The following TRPM3 variants were observed in gnomAD, a reference collection of about 807,000 sequenced individuals.
TRPM3 encodes transient receptor potential cation channel subfamily M member 3, also known as long transient receptor potential channel 3.
TRPM3 carries 77 observed loss-of-function variants against 181.2 expected under a neutral mutation model. The ratio of observed to expected loss-of-function variants is 0.42; its 90% CI spans 0.35 to 0.51. TRPM3 has a LOEUF of 0.51. Among genes scored for constraint, TRPM3 ranks in the 20% least tolerant of loss-of-function variants. The pLI is 0.01. For synonymous variants in TRPM3, 745 were observed against 796.4 expected (o/e 0.94, Z 1.09); for missense variants, 1,759 against 2,196.7 (o/e 0.80, Z 3.98).
chr9:70,743,128 C>CA (rs1458571480), intron 8 of TRPM3, among the ~76,000 whole-genome samples: 1 of 152,060 alleles, frequency 6.6e-6, no homozygotes, highest in Non-Finnish European at 1.5e-5. Flanking sequence ...ACAGATTTTT[C>CA]AAAAAGTACA....
In TRPM3 at chr9:71,437,024, T is replaced by C. The variant is rs143691330; in HGVS notation, c.183+9629A>G. Among the ~76,000 whole-genome samples the C allele has an allele frequency of 6.2e-4, 94 of 152,340 alleles. 2 individuals are homozygous for C. The East Asian group carries it at 0.017, about 28-fold the overall frequency. ...TCCACAATTAATGGGTCAAATATTT[T>C]CTTCTAGTTAACTGAATACAATGCC... is the stretch of plus-strand genomic sequence containing the variant. On this transcript the variant is annotated intron_variant, in intron 1 of 24. Coordinates refer to the TRPM3 transcript ENST00000357533.
At chr9:70,795,214 A>ATTGATAAT (rs141572067) in intron 6 of TRPM3, among the ~76,000 whole-genome samples, 3 of 152,332 alleles carry the variant, frequency 2.0e-5, no homozygotes, top group South Asian at 4.1e-4. Flanking sequence ...GTGTTTGCAT[A>ATTGATAAT]TTGATATTCT....
chr9:71,032,320 G>A lies in TRPM3; in HGVS notation c.177+88858C>T, dbSNP rs75853249. 5.0e-3 allele frequency among the ~76,000 whole-genome samples: 743 copies of A among 148,908 alleles called. 19 individuals carry two copies. In the East Asian group the frequency reaches 0.079, roughly 16 times the overall value. On this transcript the variant is annotated intron_variant, in intron 1 of 25. Coordinates refer to ENST00000677713, the MANE Select transcript of TRPM3 (RefSeq NM_001366145.2). ...ACATTTAATAACACTTTATTAACTAGAGATCACATAAAAGAGAGCATGATG... is the reference window on the plus strand; with the variant it reads ...ACATTTAATAACACTTTATTAACTAAAGATCACATAAAAGAGAGCATGATG...
At chr9:70,992,493 CCT>C (rs2097497901) in intron 1 of TRPM3, among the ~76,000 whole-genome samples, 1 of 152,104 alleles carries the variant, frequency 6.6e-6, no homozygotes, top group South Asian at 2.1e-4. Context: ...GTGAATGAGC[CCT>C]GTTCCTGTTC....
chr9:71,314,697 A>G (rs2088373878), intron 1 of TRPM3, among the ~76,000 whole-genome samples: 1 of 152,084 alleles, frequency 6.6e-6, no homozygotes, highest in South Asian at 2.1e-4. Context: ...AAGTGAATGA[A>G]TCCCCCAACT....
At chr9:70,638,905 G>A in intron 11 of TRPM3, 155 bp downstream of exon 11, 1 of 851,626 alleles carries the variant, frequency 1.2e-6, no homozygotes, top group Non-Finnish European at 1.7e-6. Context: ...GTGACTTGGT[G>A]TTTGTCATCT....
chr9:71,281,086 T>C (rs2084669720), intron 1 of TRPM3, among the ~76,000 whole-genome samples: 1 of 152,180 alleles, frequency 6.6e-6, no homozygotes, highest in Non-Finnish European at 1.5e-5. Context: ...TCTTAATAAA[T>C]ATTTGCTGAA....
Position 70,994,886 on chromosome 9 carries a change from T to C in TRPM3, c.177+126292A>G, listed in dbSNP as rs79797041. On this transcript the variant is annotated intron_variant, in intron 1 of 25. Transcript: ENST00000677713. ...TATCCCTGCTGATCAACTGGAAACA[T>C]GAAGCTGGCCTGGGATGGTCACCTC... Among the ~76,000 whole-genome samples the C allele has an allele frequency of 2.4e-4, 37 of 152,322 alleles. No individual in the cohort carries two copies. The East Asian group carries it at 6.9e-3, about 29-fold the overall frequency.
At chr9:71,274,452 G>A (rs182355155) in intron 1 of TRPM3, among the ~76,000 whole-genome samples, 55 of 152,132 alleles carry the variant, frequency 3.6e-4, no homozygotes, top group African/African-American at 1.3e-3. Context: ...AAAGCATACC[G>A]GGCCACTTAT....
chr9:71,402,356 C>T (rs1472472613), intron 1 of TRPM3, among the ~76,000 whole-genome samples: 1 of 152,104 alleles, frequency 6.6e-6, no homozygotes, highest in Admixed American at 6.5e-5. Context: ...TTTTCTATCA[C>T]GTGGTTTGCC....
chr9:71,402,939 T>C (rs958634503), intron 1 of TRPM3, among the ~76,000 whole-genome samples: 2 of 152,198 alleles, frequency 1.3e-5, no homozygotes, highest in Admixed American at 6.5e-5. Flanking sequence ...GAACCATTTC[T>C]ACCCTTGCAA....
At chr9:70,604,365 G>A (rs1272686349) in intron 19 of TRPM3, among the ~76,000 whole-genome samples, 2 of 152,226 alleles carry the variant, frequency 1.3e-5, no homozygotes, top group Non-Finnish European at 2.9e-5. Context: ...TAAGGGAAAT[G>A]GCAGACTAGC....
At chr9:71,062,881 C>T (rs149319199) in intron 1 of TRPM3, among the ~76,000 whole-genome samples, 1 of 152,108 alleles carries the variant, frequency 6.6e-6, no homozygotes, top group East Asian at 1.9e-4. Context: ...AAATGTGGGC[C>T]CCTCCACCTT....
chr9:71,400,789 C>CT (rs553371851), intron 1 of TRPM3, among the ~76,000 whole-genome samples: 1,714 of 132,824 alleles, frequency 0.013, 46 homozygotes, highest in Admixed American at 0.061. Flanking sequence ...TTTACTAGTT[C>CT]TTTTTTTTTT....
At chr9:71,171,551 T>C (rs2076858379) in intron 1 of TRPM3, among the ~76,000 whole-genome samples, 1 of 152,202 alleles carries the variant, frequency 6.6e-6, no homozygotes, top group African/African-American at 2.4e-5. Context: ...GGTTCCCCGA[T>C]ACAAACTTTT....
At chr9:71,114,497 C>CA (rs1473257279) in intron 1 of TRPM3, among the ~76,000 whole-genome samples, 1 of 151,976 alleles carries the variant, frequency 6.6e-6, no homozygotes, top group East Asian at 1.9e-4. Context: ...AAAAATTTTC[C>CA]AAGTATAAAA....
intron 7 of TRPM3, among the ~76,000 whole-genome samples, chr9:70,779,693 G>A (rs926978519): frequency 1.3e-5 from 2 of 152,046 alleles, no homozygotes; most frequent in Non-Finnish European, 2.9e-5. Context: ...AAAAACTTAG[G>A]TGATTTAATT....
At chr9:70,973,036 T>C (rs531458584) in intron 1 of TRPM3, among the ~76,000 whole-genome samples, 1 of 152,188 alleles carries the variant, frequency 6.6e-6, no homozygotes, top group Non-Finnish European at 1.5e-5. Context: ...CAATTATTAA[T>C]ATTTCCAATA....
intron 1 of TRPM3, among the ~76,000 whole-genome samples, chr9:70,951,651 A>C (rs1044576569): frequency 6.6e-6 from 1 of 152,160 alleles, no homozygotes; most frequent in Non-Finnish European, 1.5e-5. Flanking sequence ...CAGAATTATG[A>C]ATCCTTAAGA....
Sources: gnomAD v4.1 joint callset for allele counts (sites outside exome capture counted in the v4.1 genomes callset) on GRCh38, gnomAD v4.1.1 for gene constraint, MANE v1.5 for transcripts, NCBI Gene and HGNC (gene_info 2026-07-23, HGNC 2026-07-21) for gene names.